The following PIGS variants were observed in gnomAD, a reference collection of about 807,000 sequenced individuals.
PIGS encodes the protein GPI-anchor transamidase component PIGS.
In PIGS, 37 loss-of-function variants were observed where a neutral mutation model predicts 58.2. That is an observed-to-expected ratio of 0.64 (90% CI 0.49 to 0.84). The LOEUF is 0.84. Among genes scored for constraint, PIGS ranks in the 40% least tolerant of loss-of-function variants. The pLI is 0.00. For missense variants in PIGS, 629 were observed against 710.8 expected, an observed-to-expected ratio of 0.88 and a Z score of 1.31; for synonymous variants, 269 against 289.2, an observed-to-expected ratio of 0.93 and a Z score of 0.71.
intron 3 of PIGS, 27 bp downstream of exon 3, chr17:28,570,825 A>G: frequency 6.2e-7 from 1 of 1,612,338 alleles, no homozygotes; most frequent in Non-Finnish European, 8.5e-7. Context: ...CAGAGGCGAA[A>G]AGCAGCCCTG....
rs373522166 is a variant in PIGS at position 28,570,845 on chromosome 17, A to G, written c.286+7T>C. On this transcript the variant is annotated splice_region_variant and intron_variant, in intron 3 of 11. Coordinates refer to ENST00000308360, the MANE Select transcript of PIGS (RefSeq NM_033198.4). ...GCGAAAAGCAGCCCTGATCCCCAGT[A>G]ACTCACATTTCAGAGGAATCTCTCT... 9.4e-4 allele frequency: 1,524 copies of G among 1,614,054 alleles called. 33 individuals carry two copies. The South Asian group carries it at 0.015, about 16-fold the overall frequency.
intron 3 of PIGS, among the ~76,000 whole-genome samples, chr17:28,566,407 C>G (rs2070394885): frequency 6.6e-6 from 1 of 151,428 alleles, no homozygotes; most frequent in African/African-American, 2.4e-5. Context: ...TCTCCTACCT[C>G]AGCCTTCCAA....
chr17:28,556,864 G>C lies in PIGS; in HGVS notation c.1043C>G (p.Thr348Ser). The change falls in exon 9 of 12, where the codon ACC becomes AGC. Residue 348 changes from threonine (T) to serine (S), a missense_variant. Thr to Ser is a moderately conservative substitution (Grantham distance 58, BLOSUM62 1). Transcript: ENST00000308360. The stretch of plus-strand genomic sequence containing the variant: ...CCAGCGGGGACTATGGAAGGCATTG[G>C]TGGCCACTGGAGCGCCATCCTTGTC... The part of the protein sequence containing the change: ...IQDKDGAPVA[T>S]NAFHSPRWGG... 1 of 1,614,160 alleles carries C rather than the reference G, an allele frequency of 6.2e-7. No individual in the cohort carries two copies. The highest frequency in any genetic ancestry group is 1.3e-5 in the African/African-American group (1 of 75,050).
At chr17:28,556,417 C>T (rs144968193) in intron 9 of PIGS, 151 bp from the exon 10 acceptor site, 91 of 718,972 alleles carry the variant, frequency 1.3e-4, no homozygotes, top group East Asian at 7.3e-4. Flanking sequence ...GTACCTACTA[C>T]GGAGAGCATT....
At chr17:28,561,269 TA>T (rs1191491098) in intron 6 of PIGS, among the ~76,000 whole-genome samples, 152 bp downstream of exon 6, 1 of 150,332 alleles carries the variant, frequency 6.7e-6, no homozygotes, top group African/African-American at 2.4e-5. Context: ...AATAAATAAC[TA>T]AAAAAAATAA....
At position 28,560,365 on chromosome 17, in the gene PIGS, CG is replaced by C. The variant is rs2070356153; in HGVS notation, c.677-175del. 7.0e-6 allele frequency: 5 copies of C among 716,896 alleles called. No homozygotes were observed. In the East Asian group the frequency reaches 1.5e-4, roughly 21 times the overall value. The allele number at this position is 716,896 out of a possible 1,614,324, so 44.4% of individuals were successfully genotyped here. Reference sequence around the variant, plus strand: ...GGAACACTGAGTAAGAAAAAGCTGCCGGGCGCTGTGGCTCATGTCTGTAATC... The same window carrying C: ...GGAACACTGAGTAAGAAAAAGCTGCCGGCGCTGTGGCTCATGTCTGTAATC... On this transcript the variant is annotated intron_variant, in intron 6 of 11. Transcript: ENST00000308360.
intron 5 of PIGS, among the ~76,000 whole-genome samples, chr17:28,563,153 T>G (rs2070373892): frequency 6.6e-6 from 1 of 152,038 alleles, no homozygotes; most frequent in African/African-American, 2.4e-5. Flanking sequence ...TAAAAATACA[T>G]TACATGGCAC....
intron 6 of PIGS, among the ~76,000 whole-genome samples, chr17:28,561,132 C>T (rs2070361475): frequency 6.6e-6 from 1 of 151,984 alleles, no homozygotes; most frequent in Non-Finnish European, 1.5e-5. Flanking sequence ...GTGGCGGGCA[C>T]CTGTGGTCCC....
chr17:28,558,276 A>C (rs978113263), intron 8 of PIGS, among the ~76,000 whole-genome samples, 200 bp downstream of exon 8: 1 of 152,200 alleles, frequency 6.6e-6, no homozygotes, highest in African/African-American at 2.4e-5. Context: ...ACTGCACTTT[A>C]GACTGGGCAA....
chr17:28,566,283 T>G (rs2070394072), intron 3 of PIGS, among the ~76,000 whole-genome samples: 1 of 148,716 alleles, frequency 6.7e-6, no homozygotes, highest in Non-Finnish European at 1.5e-5. Flanking sequence ...TTTTTTTTTT[T>G]TTTTTGTTTT....
At chr17:28,564,177 A>G (rs2070381913) in intron 3 of PIGS, among the ~76,000 whole-genome samples, 1 of 152,246 alleles carries the variant, frequency 6.6e-6, no homozygotes, top group Non-Finnish European at 1.5e-5. Context: ...ATCTATTTCA[A>G]TAGTCATTAC....
chr17:28,560,416 G>C, intron 6 of PIGS: 1 of 499,546 alleles, frequency 2.0e-6, no homozygotes, highest in South Asian at 2.5e-5. Flanking sequence ...GACTGAGGCA[G>C]ACGGATCACT....
In PIGS at chr17:28,554,219, C is replaced by T; in HGVS notation, c.*1G>A. 6.2e-7 allele frequency: 1 copy of T among 1,613,936 alleles called. No individual in the cohort carries two copies. On this transcript the variant is annotated 3_prime_UTR_variant, in exon 12 of 12. Transcript: ENST00000308360. ...GGCTTCCTATGGAGGTGCTGCCCTG[C>T]TCAGTCTGTCTTCTCAGGCTTTCTC...
Position 28,571,459 on chromosome 17 carries a change from G to C in PIGS, c.34+4C>G. On this transcript the variant is annotated splice_donor_region_variant and intron_variant, in intron 1 of 11. Transcript: ENST00000308360. ...GCAGGCCCCCCACCCGAAGCCCACCGCACCTAGGTGTGTAGCCGCAGCCCC... is the reference window on the plus strand; with the variant it reads ...GCAGGCCCCCCACCCGAAGCCCACCCCACCTAGGTGTGTAGCCGCAGCCCC... 6.2e-7 allele frequency: 1 copy of C among 1,610,072 alleles called. No homozygotes were observed. The highest frequency in any genetic ancestry group is 8.5e-7 in the Non-Finnish European group (1 of 1,178,526).
chr17:28,556,524 A>G (rs2070329564), intron 9 of PIGS: 1 of 728,738 alleles, frequency 1.4e-6, no homozygotes. Flanking sequence ...CTTCCAGTCT[A>G]ACAAGGGAGA....
chr17:28,557,750 G>T (rs1319401115), intron 8 of PIGS, among the ~76,000 whole-genome samples: 1 of 152,106 alleles, frequency 6.6e-6, no homozygotes, highest in Non-Finnish European at 1.5e-5. Flanking sequence ...CCTCTTCCTA[G>T]TTTCCACCCG....
chr17:28,555,218 G>A (rs1414631033), intron 10 of PIGS, 157 bp from the exon 11 acceptor site: 6 of 659,684 alleles, frequency 9.1e-6, no homozygotes, highest in African/African-American at 1.9e-5. Flanking sequence ...GGGGGCATAA[G>A]GGGCAACACC....
intron 3 of PIGS, among the ~76,000 whole-genome samples, chr17:28,566,260 CTTTTTCTTTTCTT>C (rs2070393488): frequency 7.6e-6 from 1 of 131,794 alleles, no homozygotes; most frequent in East Asian, 2.3e-4. Flanking sequence ...CCCTTGTCTA[CTTTTTCTTTTCTT>C]TTTTTTTTTT....
chr17:28,556,196 C>G lies in PIGS; in HGVS notation c.1151G>C (p.Arg384Pro). 1 of 1,613,962 alleles carries G rather than the reference C, an allele frequency of 6.2e-7. No individual in the cohort carries two copies. The highest frequency in any genetic ancestry group is 8.5e-7 in the Non-Finnish European group (1 of 1,179,860). Residue 384 changes from arginine (R) to proline (P), a missense_variant, in exon 10 of 12, where the codon CGA becomes CCA. Coordinates refer to ENST00000308360, the MANE Select transcript of PIGS (RefSeq NM_033198.4). ...CTGTGCCAGGAACACCTCCATCACT[C>G]GCACCATGTCCACCTCGACTCTCAC... ...LPVRVEVDMV[R>P]VMEVFLAQLR...
Sources: gnomAD v4.1 joint callset for allele counts (sites outside exome capture counted in the v4.1 genomes callset) on GRCh38, gnomAD v4.1.1 for gene constraint, MANE v1.5 for transcripts, NCBI Gene and HGNC (gene_info 2026-07-23, HGNC 2026-07-21) for gene names.